ERI2: variants seen among roughly 807,000 people sequenced by gnomAD.
The protein encoded by ERI2 is ERI1 exoribonuclease family member 2.
A neutral mutation model predicts 46.8 loss-of-function variants in ERI2; 35 were observed. That is an observed-to-expected ratio of 0.75 (90% confidence interval 0.57 to 0.99). ERI2 has a LOEUF of 0.99. Among genes scored for constraint, ERI2 ranks in the 50% least tolerant of loss-of-function variants. ERI2 has a pLI of 0.00. For synonymous variants in ERI2, 224 were observed against 271.0 expected (o/e 0.83, Z 1.70); for missense variants, 695 against 796.2 (o/e 0.87, Z 1.53).
intron 10 of ERI2, chr16:20,786,069 C>A (rs760002342): frequency 1.4e-5 from 22 of 1,518,712 alleles, no homozygotes; most frequent in Non-Finnish European, 2.0e-5. Context: ...TTTTCTTCTT[C>A]TTAACTAGGT....
In ERI2 at chr16:20,802,787, G is replaced by A. The variant is rs1337648799; in HGVS notation, c.303+9C>T. 1.3e-6 allele frequency: 2 copies of A among 1,576,734 alleles called. No homozygotes were observed. Among genetic ancestry groups the A allele is most frequent in the African/African-American group, 2.7e-5 (2 of 73,140 alleles). Reference sequence around the variant, plus strand: ...AACTGACTTCTGAATTTTAAGATTTGCATCATACCTGCTTTATGCCTGTCA... The same window carrying A: ...AACTGACTTCTGAATTTTAAGATTTACATCATACCTGCTTTATGCCTGTCA... On this transcript the variant is annotated intron_variant, in intron 4 of 8. Coordinates refer to ENST00000357967, the MANE Select transcript of ERI2 (RefSeq NM_001142725.2).
intron 10 of ERI2, among the ~76,000 whole-genome samples, chr16:20,787,794 G>C (rs1311540692): frequency 6.6e-6 from 1 of 152,178 alleles, no homozygotes. Flanking sequence ...TTAAAGCTCT[G>C]TAAGTTCCAG....
intron 8 of ERI2, chr16:20,791,068 G>C (rs2080586631): frequency 1.3e-6 from 1 of 796,424 alleles, no homozygotes; most frequent in African/African-American, 1.7e-5. Flanking sequence ...GGGGTGGTGG[G>C]ATTAAGCAAA....
downstream of ERI2, among the ~76,000 whole-genome samples, chr16:20,794,013 A>G (rs1230841033): frequency 1.3e-5 from 2 of 152,100 alleles, no homozygotes; most frequent in African/African-American, 4.8e-5. Flanking sequence ...AGTCAGAGTG[A>G]GGGGGAAAGT....
chr16:20,789,696 T>C, intron 9 of ERI2: 3 of 625,270 alleles, frequency 4.8e-6, no homozygotes, highest in East Asian at 2.8e-5. Flanking sequence ...TTTTTTTTTT[T>C]TTTTTTTGAG....
At chr16:20,786,273 A>G in intron 10 of ERI2, 2 of 1,449,302 alleles carry the variant, frequency 1.4e-6, no homozygotes, top group East Asian at 5.2e-5. Context: ...TTTTACTTCC[A>G]TGATACTTTA....
downstream of ERI2, among the ~76,000 whole-genome samples, chr16:20,794,330 CAT>C (rs2080672312): frequency 6.6e-6 from 1 of 152,156 alleles, no homozygotes; most frequent in East Asian, 1.9e-4. Context: ...TTTGGGATCA[CAT>C]ATCTCTTTGA....
At chr16:20,787,361 T>C (rs1392031555) in intron 10 of ERI2, among the ~76,000 whole-genome samples, 2 of 152,204 alleles carry the variant, frequency 1.3e-5, no homozygotes, top group Admixed American at 1.3e-4. Flanking sequence ...CCATTTTAAT[T>C]CAGAGACCCA....
rs1478737923 is a variant in ERI2 at position 20,790,469 on chromosome 16, T to G, written c.815+381A>C. On this transcript the variant is annotated intron_variant, in intron 9 of 10. Coordinates refer to the ERI2 transcript ENST00000300005. This position sits in a 1 kb window ranked among gnomAD's most constrained non-coding sequence, Gnocchi z 4.0. ...GAGACCTTGTCTCACACACACAAAA[T>G]TTTTTTTAAGTCTTCATTTTTAAAT... 1 of 962,494 alleles carries G rather than the reference T, an allele frequency of 1.0e-6. No individual in the cohort carries two copies. The highest frequency in any genetic ancestry group is 1.6e-6 in the Non-Finnish European group (1 of 641,980). 59.6% of individuals were successfully genotyped at this position (962,494 alleles called of 1,614,324 possible).
Position 20,797,471 on chromosome 16 carries a change from G to T in ERI2, c.*253C>A, listed in dbSNP as rs906586995. 17 of 1,073,856 alleles carry T rather than the reference G, an allele frequency of 1.6e-5. 1 individual carries two copies. The South Asian group carries it at 7.2e-4, about 45-fold the overall frequency. The allele number at this position is 1,073,856 out of a possible 1,614,324, so 66.5% of individuals were successfully genotyped here. On this transcript the variant is annotated 3_prime_UTR_variant, in exon 9 of 9. Transcript: ENST00000357967. ...GGGATTTTTATTAGTCACATTTTTT[G>T]CAAATAATTTAAAAATAGTTTAGAC... is the stretch of plus-strand genomic sequence containing the variant.
At position 20,797,161 on chromosome 16, in the gene ERI2, T is replaced by A. The variant is rs2080739208; in HGVS notation, c.*563A>T. ...AAATATTTGGCAAATTCCTCCACAT[T>A]AGTGTCAATGTTCCTATCATTTCTT... On this transcript the variant is annotated 3_prime_UTR_variant, in exon 9 of 9. Coordinates refer to ENST00000357967, the MANE Select transcript of ERI2 (RefSeq NM_001142725.2). 5 of 1,337,818 alleles carry A rather than the reference T, an allele frequency of 3.7e-6. No individual in the cohort carries two copies. The highest frequency in any genetic ancestry group is 4.8e-6 in the Non-Finnish European group (5 of 1,046,990). 82.9% of individuals were successfully genotyped at this position (1,337,818 alleles called of 1,614,324 possible).
intron 9 of ERI2, chr16:20,789,684 CTTTTTT>C (rs561663756): frequency 1.2e-4 from 52 of 446,414 alleles, no homozygotes; most frequent in Middle Eastern, 6.5e-4. Flanking sequence ...CTCTATTTTT[CTTTTTT>C]TTTTTTTTTT....
chr16:20,800,254 C>G (rs2080782023), intron 6 of ERI2, 48 bp downstream of exon 6: 2 of 1,321,756 alleles, frequency 1.5e-6, no homozygotes, highest in Non-Finnish European at 2.2e-6. Flanking sequence ...AAAAGTTAAT[C>G]ATTTTTCCAT....
chr16:20,801,294 C>T lies in ERI2; in HGVS notation c.369G>A (p.Lys123=), dbSNP rs1425018035. ...CLSQFCKWIH[K]IQQQKNIIFA... ...AAATAATGTTCTTCTGTTGCTGAATCTTATGAATCCATTTACAGAACTGAG... is the reference window on the plus strand; with the variant it reads ...AAATAATGTTCTTCTGTTGCTGAATTTTATGAATCCATTTACAGAACTGAG... The change falls in exon 5 of 9, where the codon AAG becomes AAA. Residue 123 remains lysine, a synonymous_variant. Coordinates refer to ENST00000357967, the MANE Select transcript of ERI2 (RefSeq NM_001142725.2). The T allele has an allele frequency of 2.5e-6, 4 of 1,612,702 alleles. No individual in the cohort carries two copies. The Middle Eastern group carries it at 5.0e-4, about 200-fold the overall frequency.
At chr16:20,781,188 A>G in intron 10 of ERI2, 1 of 1,584,314 alleles carries the variant, frequency 6.3e-7, no homozygotes, top group Middle Eastern at 1.7e-4. Flanking sequence ...TATGGCTGAC[A>G]GAACTGGTGA....
At chr16:20,785,916 T>C (rs1368796230) in intron 10 of ERI2, among the ~76,000 whole-genome samples, 2 of 152,228 alleles carry the variant, frequency 1.3e-5, no homozygotes, top group African/African-American at 4.8e-5. Context: ...TACATATGCA[T>C]GTATTTATAT....
intron 8 of ERI2, 30 bp downstream of exon 8, chr16:20,799,233 G>A: frequency 1.2e-6 from 2 of 1,608,526 alleles, no homozygotes; most frequent in South Asian, 1.1e-5. Flanking sequence ...AGTTTGAGAT[G>A]ACAGAATAAA....
At position 20,790,501 on chromosome 16, in the gene ERI2, A is replaced by C; in HGVS notation, c.815+349T>G. On this transcript the variant is annotated intron_variant, in intron 9 of 10. Coordinates refer to the ERI2 transcript ENST00000300005. This position sits in a 1 kb window ranked among gnomAD's most constrained non-coding sequence, Gnocchi z 4.0. ...TAAGTCTTCATTTTTAAATGGCAAAAGCCAAAATAAAACTTGCAAAGTTAA... is the reference window on the plus strand; with the variant it reads ...TAAGTCTTCATTTTTAAATGGCAAACGCCAAAATAAAACTTGCAAAGTTAA... The C allele has an allele frequency of 7.4e-7, 1 of 1,359,558 alleles. No individual in the cohort carries two copies. 84.2% of individuals were successfully genotyped at this position (1,359,558 alleles called of 1,614,324 possible). A position where few individuals can be genotyped will look rare whatever the true frequency, so the allele number is the denominator to read the frequency against.
intron 10 of ERI2, among the ~76,000 whole-genome samples, chr16:20,787,541 G>A (rs2080500601): frequency 6.6e-6 from 1 of 152,182 alleles, no homozygotes. Context: ...ATTTGGAGTG[G>A]AACTCTGAAA....
Sources: allele counts gnomAD v4.1 joint callset (sites outside exome capture counted in the v4.1 genomes callset), GRCh38; gene constraint gnomAD v4.1.1; non-coding constraint Gnocchi (gnomAD v3.1); transcripts MANE v1.5; gene names NCBI Gene and HGNC (gene_info 2026-07-23, HGNC 2026-07-21).